PKNOX2: variants seen among roughly 807,000 people sequenced by gnomAD.
PKNOX2 encodes the protein PBX/knotted 1 homeobox 2, also known as homeobox protein PKNOX2.
In PKNOX2, 14 loss-of-function variants were observed where a neutral mutation model predicts 53.1. That is an observed-to-expected ratio of 0.26 (90% confidence interval 0.17 to 0.41). The LOEUF is 0.41. PKNOX2 is among the 10% of genes least tolerant of loss of function. The pLI, the probability that PKNOX2 is intolerant of heterozygous loss-of-function variation, is 1.00. For missense variants in PKNOX2, 496 were observed against 602.8 expected, an observed-to-expected ratio of 0.82 and a Z score of 1.85; for synonymous variants, 257 against 242.8, an observed-to-expected ratio of 1.06 and a Z score of -0.54.
chr11:125,217,748 T>A (rs915803409), intron 1 of PKNOX2, among the ~76,000 whole-genome samples: 3 of 152,172 alleles, frequency 2.0e-5, no homozygotes, highest in African/African-American at 7.2e-5. Flanking sequence ...GTTTTGAGCC[T>A]AGGAGGGGGA....
intron 2 of PKNOX2, among the ~76,000 whole-genome samples, chr11:125,242,317 C>T (rs893498215): frequency 6.6e-6 from 1 of 152,194 alleles, no homozygotes; most frequent in Non-Finnish European, 1.5e-5. Context: ...GAGGTAAAAG[C>T]TCCTATACTT....
chr11:125,361,891 C>T (rs978031678), intron 4 of PKNOX2, among the ~76,000 whole-genome samples: 1 of 152,190 alleles, frequency 6.6e-6, no homozygotes, highest in African/African-American at 2.4e-5. Flanking sequence ...CCTGTGGGCT[C>T]TCGGCCTCCA....
rs112026361 is a variant in PKNOX2, at chr11:125,265,409, C to A, written c.-130+30294C>A. Among the ~76,000 whole-genome samples, 257 of 152,304 alleles carry A rather than the reference C, an allele frequency of 1.7e-3. 1 individual carries two copies. The highest frequency in any genetic ancestry group is 5.7e-3 in the African/African-American group (237 of 41,564). On this transcript the variant is annotated intron_variant, in intron 2 of 12. Transcript: ENST00000298282. ...ATGAACAAACCTCCCTGGCAAACAC[C>A]GGCCTCTGCAAGAGGTTCCAAGGCC...
intron 2 of PKNOX2, among the ~76,000 whole-genome samples, chr11:125,320,492 G>A (rs1252299907): frequency 6.6e-6 from 1 of 152,070 alleles, no homozygotes. Context: ...GAAAGGTGAG[G>A]TGACTCCTGG....
At chr11:125,200,027 G>A (rs1938254425) in intron 1 of PKNOX2, among the ~76,000 whole-genome samples, 2 of 152,148 alleles carry the variant, frequency 1.3e-5, no homozygotes, top group Admixed American at 6.5e-5. Flanking sequence ...CCTGTCCTCT[G>A]TGATTCCACT....
chr11:125,408,507 G>GT (rs1955256615), intron 7 of PKNOX2, among the ~76,000 whole-genome samples: 1 of 152,242 alleles, frequency 6.6e-6, no homozygotes, highest in African/African-American at 2.4e-5. Context: ...CGGCAGGTGG[G>GT]TGGGAGGAGG....
At chr11:125,287,076 C>G (rs1329205348) in intron 2 of PKNOX2, among the ~76,000 whole-genome samples, 1 of 152,196 alleles carries the variant, frequency 6.6e-6, no homozygotes, top group Non-Finnish European at 1.5e-5. Context: ...TGACCTTTCT[C>G]TTTCTCAGGC....
intron 1 of PKNOX2, among the ~76,000 whole-genome samples, chr11:125,226,395 T>C (rs1036440431): frequency 6.6e-6 from 1 of 152,204 alleles, no homozygotes; most frequent in Non-Finnish European, 1.5e-5. Context: ...CTGGGTAAAA[T>C]TTCCAGGGAT....
chr11:125,257,222 C>A (rs1165582835), intron 2 of PKNOX2, among the ~76,000 whole-genome samples: 1 of 152,202 alleles, frequency 6.6e-6, no homozygotes, highest in Non-Finnish European at 1.5e-5. Flanking sequence ...TAAAACTCAG[C>A]ACTAGAGGAA....
chr11:125,355,277 GA>G (rs61437536), intron 4 of PKNOX2, among the ~76,000 whole-genome samples: 8,734 of 109,192 alleles, frequency 0.08, 672 homozygotes, highest in African/African-American at 0.24. Flanking sequence ...AAAAAAAAAA[GA>G]AAAAAAAAAA....
chr11:125,428,029 T>A (rs610236), intron 10 of PKNOX2, among the ~76,000 whole-genome samples: 40,463 of 152,096 alleles, frequency 0.27, 6,127 homozygotes, highest in Admixed American at 0.39. Flanking sequence ...TCTTAGCCTC[T>A]ACAGGGCTCA....
At chr11:125,247,194 G>A (rs2135644896) in intron 2 of PKNOX2, among the ~76,000 whole-genome samples, 1 of 152,248 alleles carries the variant, frequency 6.6e-6, no homozygotes, top group South Asian at 2.1e-4. Context: ...TTGGGCTTCT[G>A]TACCCCTTTG....
chr11:125,181,385 G>A (rs1168670232), intron 1 of PKNOX2, among the ~76,000 whole-genome samples: 1 of 152,224 alleles, frequency 6.6e-6, no homozygotes, highest in Non-Finnish European at 1.5e-5. Flanking sequence ...AGTCTGGGAT[G>A]GCTTCCTGGA....
chr11:125,213,800 T>C (rs956787946), intron 1 of PKNOX2, among the ~76,000 whole-genome samples: 4 of 152,096 alleles, frequency 2.6e-5, no homozygotes, highest in African/African-American at 4.8e-5. Context: ...TTTCAAATTC[T>C]ACGGCAATTC....
chr11:125,298,827 G>A (rs1031729645), intron 2 of PKNOX2, among the ~76,000 whole-genome samples: 1 of 152,132 alleles, frequency 6.6e-6, no homozygotes, highest in African/African-American at 2.4e-5. Context: ...ACACTTGTAG[G>A]GCAGGCCTTC....
chr11:125,214,314 G>A (rs552492949), intron 1 of PKNOX2, among the ~76,000 whole-genome samples: 1 of 152,034 alleles, frequency 6.6e-6, no homozygotes, highest in South Asian at 2.1e-4. Flanking sequence ...CCTCAGAGCT[G>A]GCATTTCCTC....
At chr11:125,333,690 C>A (rs1443217944) in intron 3 of PKNOX2, among the ~76,000 whole-genome samples, 2 of 152,178 alleles carry the variant, frequency 1.3e-5, no homozygotes, top group Non-Finnish European at 2.9e-5. Context: ...ACAATTTTTG[C>A]AGCTAATGCT....
intron 1 of PKNOX2, among the ~76,000 whole-genome samples, chr11:125,174,926 G>A (rs11219947): frequency 0.41 from 62,407 of 151,922 alleles, 14,190 homozygotes; most frequent in African/African-American, 0.61. Context: ...GTCCCCTGGG[G>A]CCCTCTTGAC....
intron 1 of PKNOX2, chr11:125,190,909 T>C (rs949344283): frequency 1.2e-4 from 19 of 152,252 alleles, no homozygotes; most frequent in African/African-American, 4.1e-4. Flanking sequence ...TGACTTTTCA[T>C]ATATTGTTTC....
Sources: gnomAD v4.1 joint callset for allele counts (sites outside exome capture counted in the v4.1 genomes callset) on GRCh38, gnomAD v4.1.1 for gene constraint, MANE v1.5 for transcripts, NCBI Gene and HGNC (gene_info 2026-07-23, HGNC 2026-07-21) for gene names.